Variants in ROBO1 observed in about 807,000 individuals in gnomAD.
ROBO1 encodes roundabout homolog 1.
A neutral mutation model predicts 195.9 loss-of-function variants in ROBO1; 149 were observed. The observed-to-expected ratio is 0.76, with a 90% CI of 0.67 to 0.87. ROBO1 has a LOEUF of 0.87. Ranked by LOEUF, ROBO1 falls within the 40% of genes least tolerant of loss-of-function variation. The pLI is 0.00. For missense variants in ROBO1, 1,933 were observed against 2,068.3 expected (o/e 0.93, Z 1.27); for synonymous variants, 816 against 733.2 (o/e 1.11, Z -1.82).
At chr3:79,494,634 C>T (rs1232185128) in intron 2 of ROBO1, among the ~76,000 whole-genome samples, 1 of 151,856 alleles carries the variant, frequency 6.6e-6, no homozygotes, top group African/African-American at 2.4e-5. Flanking sequence ...CAAAAAAGAG[C>T]AAAGGCAATT....
intron 1 of ROBO1, among the ~76,000 whole-genome samples, chr3:79,638,316 T>G (rs558094531): frequency 2.4e-4 from 36 of 152,370 alleles, no homozygotes; most frequent in African/African-American, 8.4e-4. Flanking sequence ...TCTAATTTAT[T>G]TAGCAGAAAT....
At chr3:78,742,133 AT>A (rs1364771689) in intron 5 of ROBO1, among the ~76,000 whole-genome samples, 1 of 152,120 alleles carries the variant, frequency 6.6e-6, no homozygotes, top group Non-Finnish European at 1.5e-5. Flanking sequence ...TGTACTTTAA[AT>A]TTTCAACAAA....
chr3:79,027,819 A>G (rs1373693178), intron 3 of ROBO1, among the ~76,000 whole-genome samples: 1 of 152,010 alleles, frequency 6.6e-6, no homozygotes. Flanking sequence ...TAGAAGGTAG[A>G]ATTTCACTTG....
intron 2 of ROBO1, among the ~76,000 whole-genome samples, chr3:79,387,679 T>A (rs1171557477): frequency 7.2e-6 from 1 of 139,802 alleles, no homozygotes; most frequent in Non-Finnish European, 1.6e-5. Flanking sequence ...AAAACAAATA[T>A]GTAATAAGTA....
chr3:78,962,719 G>A (rs2041430594), intron 3 of ROBO1, among the ~76,000 whole-genome samples: 1 of 149,418 alleles, frequency 6.7e-6, no homozygotes, highest in Non-Finnish European at 1.5e-5. Context: ...AGCTACTCGG[G>A]AGGTTGAGGC....
chr3:79,371,060 C>T (rs948453328), intron 2 of ROBO1, among the ~76,000 whole-genome samples: 5 of 152,098 alleles, frequency 3.3e-5, no homozygotes, highest in Admixed American at 2.6e-4. Context: ...GTGTATATTG[C>T]CACATTTTCT....
chr3:79,018,834 G>C, intron 3 of ROBO1: 4 of 1,010,582 alleles, frequency 4.0e-6, no homozygotes, highest in Non-Finnish European at 4.7e-6. Flanking sequence ...GCGGCCGAGC[G>C]CCGCTGCGAG....
At chr3:79,561,761 G>A (rs867820113) in intron 2 of ROBO1, among the ~76,000 whole-genome samples, 1 of 152,078 alleles carries the variant, frequency 6.6e-6, no homozygotes, top group Non-Finnish European at 1.5e-5. Context: ...TGGATAAAGA[G>A]AATTGGACAG....
chr3:79,551,176 CT>C (rs200677361), intron 2 of ROBO1, among the ~76,000 whole-genome samples: 1 of 151,202 alleles, frequency 6.6e-6, no homozygotes, highest in Non-Finnish European at 1.5e-5. Flanking sequence ...TTTCTTTCAA[CT>C]TTTTTTTAAA....
chr3:79,655,006 T>C (rs1946118843), intron 1 of ROBO1, among the ~76,000 whole-genome samples: 1 of 151,980 alleles, frequency 6.6e-6, no homozygotes, highest in Admixed American at 6.6e-5. Flanking sequence ...ATTTAGCTTG[T>C]TAGGAAATCT....
chr3:79,309,843 GT>G (rs1227461646), intron 2 of ROBO1, among the ~76,000 whole-genome samples: 1 of 152,148 alleles, frequency 6.6e-6, no homozygotes, highest in African/African-American at 2.4e-5. Context: ...ATTGCCTGAA[GT>G]TTTTATTATG....
intron 3 of ROBO1, among the ~76,000 whole-genome samples, chr3:78,979,439 G>A (rs1378413733): frequency 1.3e-5 from 2 of 152,140 alleles, no homozygotes; most frequent in Non-Finnish European, 2.9e-5. Context: ...CTGAATAATT[G>A]TTGAAATTTA....
intron 3 of ROBO1, among the ~76,000 whole-genome samples, chr3:79,050,587 C>T (rs551390442): frequency 6.6e-4 from 101 of 151,976 alleles, no homozygotes; most frequent in African/African-American, 2.3e-3. Context: ...CAAGTCAACC[C>T]CAAGTCAACA....
chr3:79,473,148 T>A (rs1938373162), intron 2 of ROBO1, among the ~76,000 whole-genome samples: 1 of 152,176 alleles, frequency 6.6e-6, no homozygotes, highest in South Asian at 2.1e-4. Context: ...GTGTCTTGTG[T>A]TTAAGCTGGG....
At chr3:78,984,789 A>T (rs1312185067) in intron 3 of ROBO1, among the ~76,000 whole-genome samples, 1 of 152,224 alleles carries the variant, frequency 6.6e-6, no homozygotes, top group Admixed American at 6.5e-5. Flanking sequence ...ATAAAAGGGC[A>T]GTATTTAAAA....
chr3:78,775,981 T>C (rs1029573538), intron 4 of ROBO1, among the ~76,000 whole-genome samples: 1 of 152,212 alleles, frequency 6.6e-6, no homozygotes, highest in Non-Finnish European at 1.5e-5. Flanking sequence ...CATGTATGCA[T>C]AGTTCTGTCC....
intron 3 of ROBO1, among the ~76,000 whole-genome samples, chr3:78,941,812 T>C (rs2040160589): frequency 6.6e-6 from 1 of 152,122 alleles, no homozygotes. Context: ...CTAAAATAAA[T>C]AACTTCTTGG....
At chr3:78,860,064 G>A (rs1351818066) in intron 4 of ROBO1, among the ~76,000 whole-genome samples, 3 of 149,340 alleles carry the variant, frequency 2.0e-5, no homozygotes, top group East Asian at 3.9e-4. Flanking sequence ...GGGTGACAGA[G>A]CGAGACTTCG....
At chr3:78,800,920 C>T (rs985149680) in intron 4 of ROBO1, among the ~76,000 whole-genome samples, 3 of 152,050 alleles carry the variant, frequency 2.0e-5, no homozygotes, top group Non-Finnish European at 4.4e-5. Context: ...GGGCTCTAAT[C>T]AAGGAAATAT....
Sources: allele counts gnomAD v4.1 joint callset (sites outside exome capture counted in the v4.1 genomes callset), GRCh38; gene constraint gnomAD v4.1.1; transcripts MANE v1.5; gene names NCBI Gene and HGNC (gene_info 2026-07-23, HGNC 2026-07-21).